The following TOP2A variants were observed in gnomAD, a reference collection of about 807,000 sequenced individuals.
TOP2A encodes DNA topoisomerase 2-alpha.
Under a neutral mutation model 187.2 loss-of-function variants are expected in TOP2A, and 68 were observed. That is an observed-to-expected ratio of 0.36 (90% CI 0.30 to 0.44). The LOEUF (loss-of-function observed/expected upper bound fraction) is 0.44, where lower values mean the gene tolerates loss of function less well. TOP2A is among the 20% of genes least tolerant of loss of function. The probability of loss-of-function intolerance (pLI) is 1.00; values close to 1 mark genes in which losing one functional copy is unlikely to be tolerated. For missense variants in TOP2A, 1,196 were observed against 1,808.7 expected (o/e 0.66, Z 6.14); for synonymous variants, 542 against 593.2 (o/e 0.91, Z 1.25).
chr17:40,391,945 T>C, intron 32 of TOP2A, 123 bp downstream of exon 32: 2 of 1,101,976 alleles, frequency 1.8e-6, no homozygotes, highest in Non-Finnish European at 2.6e-6. Context: ...CAACATAATG[T>C]TAATAAGAAC....
At chr17:40,403,957 CA>C (rs1286101365) in intron 19 of TOP2A, among the ~76,000 whole-genome samples, 194 bp downstream of exon 19, 2 of 152,178 alleles carry the variant, frequency 1.3e-5, no homozygotes, top group African/African-American at 4.8e-5. Context: ...TAGACCTTTG[CA>C]GACTTATGAA....
chr17:40,408,629 GC>G lies in TOP2A; in HGVS notation c.1204del (p.Ala402ProfsTer7). On this transcript the variant is annotated frameshift_variant and splice_region_variant, in exon 11 of 35. Coordinates refer to ENST00000423485, the MANE Select transcript of TOP2A (RefSeq NM_001067.4). LOFTEE classifies it high-confidence loss of function. ...GCTTTCTACAATACCACAGCCAATG[GC>G]CTGAAAACGAGAAGATTCATATTAG... ...CQLSEKFIKA[A>X]IGCGIVESIL... The G allele has an allele frequency of 6.2e-7, 1 of 1,613,712 alleles. No individual in the cohort carries two copies.
Position 40,416,460 on chromosome 17 carries a change from A to T in TOP2A, c.230T>A (p.Phe77Tyr), listed in dbSNP as rs1203204555. Reference sequence around the variant, plus strand: ...AAAGATTTTGTACAAACCAGGAACAAAAGTGACTTCCCTATAGTTAATGCC... The same window carrying T: ...AAAGATTTTGTACAAACCAGGAACATAAGTGACTTCCCTATAGTTAATGCC... ...DVGINYREVTFVPGLYKIFDE... is the reference protein window; with the variant it reads ...DVGINYREVTYVPGLYKIFDE... The change falls in exon 3 of 35, where the codon TTT becomes TAT. Residue 77 changes from phenylalanine to tyrosine, a missense_variant. This residue lies in a region of TOP2A where 97 missense variants were observed against 171.0 expected (regional missense o/e 0.57). Transcript: ENST00000423485. The T allele has an allele frequency of 6.2e-7, 1 of 1,604,242 alleles. No individual in the cohort carries two copies. Among genetic ancestry groups the T allele is most frequent in the Non-Finnish European group, 8.5e-7 (1 of 1,174,548 alleles).
Position 40,411,534 on chromosome 17 carries a change from C to T in TOP2A, c.964-79G>A, listed in dbSNP as rs2035322153. 3 of 1,550,678 alleles carry T rather than the reference C, an allele frequency of 1.9e-6. No individual in the cohort carries two copies. In the South Asian group the frequency reaches 3.4e-5, roughly 17 times the overall value. On this transcript the variant is annotated intron_variant, in intron 8 of 34. Transcript: ENST00000423485. This position sits in a 1 kb window ranked among gnomAD's most constrained non-coding sequence, Gnocchi z 4.4. ...ATCAAACATTAAAAACTAATTTAAC[C>T]TCCTTTATACTAAGCTAGCCCAATA...
chr17:40,408,842 A>G (rs1407534033), intron 10 of TOP2A: 3 of 662,700 alleles, frequency 4.5e-6, no homozygotes, highest in Non-Finnish European at 8.3e-6. Flanking sequence ...CGTTCAATAA[A>G]TATTTACTAT....
chr17:40,399,266 T>G, intron 24 of TOP2A, 135 bp from the exon 25 acceptor site: 1 of 662,988 alleles, frequency 1.5e-6, no homozygotes, highest in Non-Finnish European at 2.6e-6. Context: ...TATATCCCGG[T>G]ATACAGGCAA....
At chr17:40,408,816 C>T (rs1287714263) in intron 10 of TOP2A, 186 bp from the exon 11 acceptor site, 1 of 704,244 alleles carries the variant, frequency 1.4e-6, no homozygotes, top group Non-Finnish European at 2.6e-6. Context: ...GAGGGAGCTG[C>T]TCCTTTTGGT....
intron 11 of TOP2A, 88 bp from the exon 12 acceptor site, chr17:40,408,212 TAAAAC>T: frequency 9.1e-7 from 1 of 1,094,816 alleles, no homozygotes; most frequent in Non-Finnish European, 1.3e-6. Context: ...AGCCTTGTGA[TAAAAC>T]ACAATTTACT....
At chr17:40,410,552 C>T in intron 10 of TOP2A, 3 of 432,006 alleles carry the variant, frequency 6.9e-6, no homozygotes, top group South Asian at 5.0e-5. Context: ...AGGACTTAAC[C>T]AGTATGAAGG....
Position 40,411,472 on chromosome 17 carries a change from C to T in TOP2A, c.964-17G>A, listed in dbSNP as rs377174362. 12 of 1,608,200 alleles carry T rather than the reference C, an allele frequency of 7.5e-6. No homozygotes were observed. The highest frequency in any genetic ancestry group is 1.0e-5 in the Non-Finnish European group (12 of 1,174,802). Reference sequence around the variant, plus strand: ...TCTGCCACCCTAATAAGGAAAAATACCAAACTGTAAAACTCAGTATCCTCA... The same window carrying T: ...TCTGCCACCCTAATAAGGAAAAATATCAAACTGTAAAACTCAGTATCCTCA... On this transcript the variant is annotated splice_polypyrimidine_tract_variant and intron_variant, in intron 8 of 34. Coordinates refer to ENST00000423485, the MANE Select transcript of TOP2A (RefSeq NM_001067.4). This position sits in a 1 kb window ranked among gnomAD's most constrained non-coding sequence, Gnocchi z 4.4.
At chr17:40,397,609 G>A (rs1344641215) in intron 27 of TOP2A, among the ~76,000 whole-genome samples, 6 of 151,676 alleles carry the variant, frequency 4.0e-5, no homozygotes, top group African/African-American at 1.2e-4. Flanking sequence ...AAGTTGACTT[G>A]GGGGACTGGG....
chr17:40,395,126 T>C (rs541315628), intron 29 of TOP2A, among the ~76,000 whole-genome samples: 6 of 151,696 alleles, frequency 4.0e-5, no homozygotes, highest in Non-Finnish European at 8.8e-5. Flanking sequence ...CTACTAAAAA[T>C]ACAAAAAGCA....
At chr17:40,395,768 C>T (rs1356267010) in intron 28 of TOP2A, among the ~76,000 whole-genome samples, 2 of 151,612 alleles carry the variant, frequency 1.3e-5, no homozygotes, top group African/African-American at 4.8e-5. Flanking sequence ...TGGTGATGTG[C>T]CCCCAACTAC....
intron 10 of TOP2A, 200 bp from the exon 11 acceptor site, chr17:40,408,830 T>C (rs772349944): frequency 1.3e-5 from 9 of 686,788 alleles, no homozygotes; most frequent in Admixed American, 2.0e-5. Context: ...TTTTGGTTCA[T>C]TCGTTCAATA....
chr17:40,406,986 G>C, intron 13 of TOP2A, 44 bp from the exon 14 acceptor site: 1 of 1,450,216 alleles, frequency 6.9e-7, no homozygotes. Flanking sequence ...CTGTTAGGCT[G>C]GGCGTGGTAG....
chr17:40,395,703 C>T (rs974444919), intron 28 of TOP2A, among the ~76,000 whole-genome samples, 164 bp from the exon 29 acceptor site: 1 of 152,044 alleles, frequency 6.6e-6, no homozygotes, highest in African/African-American at 2.4e-5. Context: ...CGAGACCAGC[C>T]TGGCCAAGAT....
At chr17:40,407,501 CA>C in intron 13 of TOP2A, 47 bp downstream of exon 13, 2 of 1,426,326 alleles carry the variant, frequency 1.4e-6, no homozygotes, top group Non-Finnish European at 1.9e-6. Flanking sequence ...TAAATTAAGA[CA>C]TGCTTAATTT....
rs2035314080 is a variant in TOP2A at position 40,411,021 on chromosome 17, G to C, written c.1203+88C>G. ...GGGAAGACTTGGAGAAGCTCACTAT[G>C]AGAAGAATCATTGTTTCTGCAGAGC... On this transcript the variant is annotated intron_variant, in intron 10 of 34. Coordinates refer to ENST00000423485, the MANE Select transcript of TOP2A (RefSeq NM_001067.4). This position sits in a 1 kb window ranked among gnomAD's most constrained non-coding sequence, Gnocchi z 4.4. 1.5e-6 allele frequency: 2 copies of C among 1,329,544 alleles called. No homozygotes were observed. Among genetic ancestry groups the C allele is most frequent in the African/African-American group, 1.5e-5 (1 of 67,286 alleles). 82.4% of individuals were successfully genotyped at this position (1,329,544 alleles called of 1,614,324 possible).
chr17:40,415,988 C>G lies in TOP2A; in HGVS notation c.332+17G>C. 1 of 1,559,702 alleles carries G rather than the reference C, an allele frequency of 6.4e-7. No homozygotes were observed. Among genetic ancestry groups the G allele is most frequent in the Non-Finnish European group, 8.7e-7 (1 of 1,145,336 alleles). On this transcript the variant is annotated intron_variant, in intron 4 of 34. Transcript: ENST00000423485. ...ATAGCAACGAGCTACATAACAAAAA[C>G]TAAGCAAAAGACGTACGGATCAATT...
Sources: gnomAD v4.1 joint callset for allele counts (sites outside exome capture counted in the v4.1 genomes callset) on GRCh38, gnomAD v4.1.1 for gene constraint, gnomAD v4.1.1 regional missense constraint, Gnocchi (gnomAD v3.1) non-coding constraint, MANE v1.5 for transcripts, NCBI Gene and HGNC (gene_info 2026-07-23, HGNC 2026-07-21) for gene names.